Variants in ATP8A2 observed in about 807,000 individuals in gnomAD.
ATP8A2 encodes the protein phospholipid-transporting ATPase IB.
ATP8A2 carries 100 observed loss-of-function variants against 165.6 expected under a neutral mutation model. The ratio of observed to expected loss-of-function variants is 0.60; its 90% CI spans 0.51 to 0.71. The LOEUF (loss-of-function observed/expected upper bound fraction) is 0.71. Ranked by LOEUF, ATP8A2 falls within the 30% of genes least tolerant of loss-of-function variation. The pLI is 0.00. For synonymous variants in ATP8A2, 543 were observed against 548.8 expected (o/e 0.99, Z 0.15); for missense variants, 1,227 against 1,479.5 (o/e 0.83, Z 2.80).
At chr13:25,777,533 A>G (rs1453598757) in intron 27 of ATP8A2, among the ~76,000 whole-genome samples, 1 of 152,348 alleles carries the variant, frequency 6.6e-6, no homozygotes, top group African/African-American at 2.4e-5. Context: ...TTTATCTTAA[A>G]TGGTTTTCTT....
chr13:25,785,405 T>A, intron 27 of ATP8A2, among the ~76,000 whole-genome samples: 1 of 152,290 alleles, frequency 6.6e-6, no homozygotes, highest in South Asian at 2.1e-4. Flanking sequence ...TTGAATTCTT[T>A]AAACACATTT....
At chr13:25,543,255 C>G in intron 9 of ATP8A2, 36 bp from the exon 10 acceptor site, 1 of 1,313,314 alleles carries the variant, frequency 7.6e-7, no homozygotes. Context: ...ATTTTCCAGA[C>G]TATCATTAAA....
At chr13:25,995,030 ATTAT>A (rs1956469095) in intron 35 of ATP8A2, among the ~76,000 whole-genome samples, 1 of 152,048 alleles carries the variant, frequency 6.6e-6, no homozygotes, top group Non-Finnish European at 1.5e-5. Context: ...AGCTATTAAA[ATTAT>A]TTCAAATTGT....
At chr13:25,381,114 T>C (rs1210996092) in intron 1 of ATP8A2, among the ~76,000 whole-genome samples, 1 of 152,150 alleles carries the variant, frequency 6.6e-6, no homozygotes, top group African/African-American at 2.4e-5. Context: ...TGGTCTGATA[T>C]TATCAGTCAG....
At chr13:25,862,789 T>C (rs1853947235) in intron 33 of ATP8A2, among the ~76,000 whole-genome samples, 1 of 152,186 alleles carries the variant, frequency 6.6e-6, no homozygotes, top group Non-Finnish European at 1.5e-5. Flanking sequence ...GTTTTGATGT[T>C]GTACTCTGGT....
intron 27 of ATP8A2, among the ~76,000 whole-genome samples, chr13:25,780,598 T>C (rs1156845060): frequency 2.0e-5 from 3 of 152,208 alleles, no homozygotes; most frequent in African/African-American, 7.2e-5. Context: ...AACAAACCTT[T>C]ATTATACTGC....
At chr13:25,406,768 T>G (rs1365237630) in intron 1 of ATP8A2, among the ~76,000 whole-genome samples, 2 of 152,186 alleles carry the variant, frequency 1.3e-5, no homozygotes, top group Non-Finnish European at 2.9e-5. Context: ...CTGAACCAGT[T>G]TTGTTACTCT....
At chr13:25,815,540 A>T (rs1182790001) in intron 27 of ATP8A2, among the ~76,000 whole-genome samples, 1 of 152,196 alleles carries the variant, frequency 6.6e-6, no homozygotes, top group Non-Finnish European at 1.5e-5. Context: ...AACAAAAAAG[A>T]GTTACAGAGT....
intron 21 of ATP8A2, 143 bp from the exon 22 acceptor site, chr13:25,579,665 A>T: frequency 1.2e-6 from 1 of 815,866 alleles, no homozygotes; most frequent in South Asian, 1.7e-5. Flanking sequence ...CCCTTGGTAG[A>T]TGTGGGAGTG....
chr13:26,008,089 G>A (rs1956778948), intron 35 of ATP8A2, among the ~76,000 whole-genome samples: 1 of 152,076 alleles, frequency 6.6e-6, no homozygotes, highest in Non-Finnish European at 1.5e-5. Context: ...ACAAATTGAT[G>A]TAACCCACAG....
At chr13:25,819,380 T>C (rs1175887801) in intron 27 of ATP8A2, among the ~76,000 whole-genome samples, 3 of 152,164 alleles carry the variant, frequency 2.0e-5, no homozygotes, top group African/African-American at 7.2e-5. Flanking sequence ...CCATAATTTA[T>C]TGAACAGAAA....
At chr13:25,726,822 G>C (rs1212636506) in intron 25 of ATP8A2, among the ~76,000 whole-genome samples, 2 of 152,158 alleles carry the variant, frequency 1.3e-5, no homozygotes, top group Non-Finnish European at 2.9e-5. Context: ...ATCAATTCCA[G>C]GGAGTCCTTT....
chr13:25,866,417 T>A, intron 33 of ATP8A2, among the ~76,000 whole-genome samples: 1 of 152,218 alleles, frequency 6.6e-6, no homozygotes, highest in East Asian at 1.9e-4. Context: ...GAATTGTTTT[T>A]GAACCTTCAT....
At chr13:25,718,880 G>C (rs964950577) in intron 25 of ATP8A2, among the ~76,000 whole-genome samples, 1 of 152,168 alleles carries the variant, frequency 6.6e-6, no homozygotes, top group Admixed American at 6.5e-5. Context: ...ATTAGAACTA[G>C]GTAGACAAGT....
chr13:25,459,203 A>G (rs1057388223), intron 1 of ATP8A2, among the ~76,000 whole-genome samples: 5 of 152,222 alleles, frequency 3.3e-5, no homozygotes, highest in Non-Finnish European at 5.9e-5. Context: ...ATCCTTATTC[A>G]AGGAAGACTG....
chr13:25,957,003 A>C (rs1022693919), intron 33 of ATP8A2, among the ~76,000 whole-genome samples: 11 of 152,244 alleles, frequency 7.2e-5, no homozygotes, highest in African/African-American at 2.7e-4. Context: ...CAAACCTGAC[A>C]AAAGCAAGTA....
intron 2 of ATP8A2, among the ~76,000 whole-genome samples, chr13:25,492,507 C>T (rs1322516978): frequency 2.0e-5 from 3 of 152,180 alleles, no homozygotes; most frequent in Non-Finnish European, 2.9e-5. Context: ...ACACTGGGGA[C>T]ATCAGCACCC....
At chr13:26,010,115 A>G (rs1956813122) in intron 35 of ATP8A2, among the ~76,000 whole-genome samples, 1 of 152,220 alleles carries the variant, frequency 6.6e-6, no homozygotes, top group African/African-American at 2.4e-5. Context: ...AGAGAAAAGC[A>G]TTCACCACTC....
At chr13:25,444,903 G>T (rs1413096845) in intron 1 of ATP8A2, among the ~76,000 whole-genome samples, 4 of 152,186 alleles carry the variant, frequency 2.6e-5, no homozygotes, top group Non-Finnish European at 4.4e-5. Context: ...CTCCCGAAGT[G>T]CTGGGATTAT....
Sources: gnomAD v4.1 joint callset for allele counts (sites outside exome capture counted in the v4.1 genomes callset) on GRCh38, gnomAD v4.1.1 for gene constraint, MANE v1.5 for transcripts, NCBI Gene and HGNC (gene_info 2026-07-23, HGNC 2026-07-21) for gene names.